Variants in STXBP5L observed in about 807,000 individuals in gnomAD.
The protein encoded by STXBP5L is syntaxin-binding protein 5-like.
In STXBP5L, 65 loss-of-function variants were observed where a neutral mutation model predicts 144.5. That is an observed-to-expected ratio of 0.45 (90% CI 0.37 to 0.55). The LOEUF is 0.55. STXBP5L is among the 20% of genes least tolerant of loss of function. The pLI is 0.00. For missense variants in STXBP5L, 1,298 were observed against 1,405.5 expected (o/e 0.92, Z 1.22); for synonymous variants, 505 against 469.6 (o/e 1.08, Z -0.97).
intron 7 of STXBP5L, among the ~76,000 whole-genome samples, chr3:121,138,948 C>T (rs1456390586): frequency 6.6e-6 from 1 of 151,760 alleles, no homozygotes; most frequent in Non-Finnish European, 1.5e-5. Context: ...AAGGAAACAA[C>T]AGAGTGAAAA....
At chr3:120,956,446 G>A (rs1386573760) in intron 3 of STXBP5L, among the ~76,000 whole-genome samples, 1 of 151,664 alleles carries the variant, frequency 6.6e-6, no homozygotes, top group African/African-American at 2.4e-5. Context: ...TTTTGTGACT[G>A]GCTTATTTCA....
intron 18 of STXBP5L, among the ~76,000 whole-genome samples, chr3:121,277,472 T>C (rs770959392): frequency 6.6e-6 from 1 of 152,122 alleles, no homozygotes; most frequent in Non-Finnish European, 1.5e-5. Flanking sequence ...TTTATATCTC[T>C]AAGGCTTTTT....
At chr3:121,196,170 T>A (rs2047911449) in intron 9 of STXBP5L, among the ~76,000 whole-genome samples, 1 of 152,078 alleles carries the variant, frequency 6.6e-6, no homozygotes. Flanking sequence ...TCAATTCTTT[T>A]TTTTTTTTTA....
rs745597035 is a variant in STXBP5L at position 121,152,555 on chromosome 3, G to C, written c.748G>C (p.Asp250His). The C allele has an allele frequency of 1.3e-6, 2 of 1,599,250 alleles. No homozygotes were observed. Among genetic ancestry groups the C allele is most frequent in the South Asian group, 2.2e-5 (2 of 90,172 alleles). Residue 250 changes from aspartate to histidine, a missense_variant, in exon 8 of 27, where the codon GAT becomes CAT. Physicochemically the swap from Asp to His is moderately conservative, Grantham distance 81. Coordinates refer to ENST00000471454, the MANE Select transcript of STXBP5L (RefSeq NM_001308330.2). ...AAGAGCAGAACTGAGAGTTTATTAT[G>C]ATGAGGTAAGTGATTTCTACCGACA... is the stretch of plus-strand genomic sequence containing the variant. Reference protein sequence around the residue: ...SKRAELRVYYDEAIHSIDWHH... With the variant: ...SKRAELRVYYHEAIHSIDWHH...
intron 20 of STXBP5L, among the ~76,000 whole-genome samples, chr3:121,374,414 G>C (rs2046122477): frequency 6.6e-6 from 1 of 151,796 alleles, no homozygotes; most frequent in Non-Finnish European, 1.5e-5. Context: ...AAGAAAACAT[G>C]ATACCTCCAA....
At chr3:121,068,326 G>C (rs2041644810) in intron 5 of STXBP5L, among the ~76,000 whole-genome samples, 1 of 152,104 alleles carries the variant, frequency 6.6e-6, no homozygotes, top group South Asian at 2.1e-4. Flanking sequence ...TCTTATACTT[G>C]GTGTACCTAA....
At chr3:121,334,923 C>T (rs1265757482) in intron 20 of STXBP5L, among the ~76,000 whole-genome samples, 1 of 152,154 alleles carries the variant, frequency 6.6e-6, no homozygotes, top group African/African-American at 2.4e-5. Context: ...CCCACCACTC[C>T]TATTTAACAG....
intron 3 of STXBP5L, among the ~76,000 whole-genome samples, chr3:121,024,208 T>A (rs917951534): frequency 1.3e-5 from 2 of 152,170 alleles, no homozygotes; most frequent in African/African-American, 2.4e-5. Flanking sequence ...CTTAAAGAAC[T>A]TTAAAAACTC....
intron 6 of STXBP5L, among the ~76,000 whole-genome samples, chr3:121,115,427 G>T (rs978756788): frequency 2.0e-5 from 3 of 152,102 alleles, no homozygotes; most frequent in Admixed American, 6.6e-5. Context: ...TGATTTTAAT[G>T]CTTGTAGCTT....
At chr3:120,975,603 G>A (rs1428277008) in intron 3 of STXBP5L, among the ~76,000 whole-genome samples, 1 of 152,088 alleles carries the variant, frequency 6.6e-6, no homozygotes, top group South Asian at 2.1e-4. Context: ...GGTGAGAGAG[G>A]GCATCCCTGT....
rs541258012 is a variant in STXBP5L, at chr3:120,934,587, G to A, written c.190-20353G>A. Reference sequence around the variant, plus strand: ...GTGAGATCTGTTAATTATTGAGAGAGGGGTGAAGTCTCCAACGATTATAGT... The same window carrying A: ...GTGAGATCTGTTAATTATTGAGAGAAGGGTGAAGTCTCCAACGATTATAGT... On this transcript the variant is annotated intron_variant, in intron 2 of 26. Coordinates refer to ENST00000471454, the MANE Select transcript of STXBP5L (RefSeq NM_001308330.2). Among the ~76,000 whole-genome samples the A allele has an allele frequency of 5.9e-5, 9 of 152,066 alleles. No homozygotes were observed. In the South Asian group the frequency reaches 6.2e-4, roughly 11 times the overall value.
chr3:121,355,032 T>C (rs1025359287), intron 20 of STXBP5L, among the ~76,000 whole-genome samples: 4 of 152,216 alleles, frequency 2.6e-5, no homozygotes, highest in Non-Finnish European at 5.9e-5. Flanking sequence ...TCTTCTGGCT[T>C]GTAGGGTTTC....
At chr3:121,399,789 T>C (rs927598128) in intron 22 of STXBP5L, among the ~76,000 whole-genome samples, 5 of 152,360 alleles carry the variant, frequency 3.3e-5, no homozygotes, top group African/African-American at 1.2e-4. Context: ...ACGGCCATCA[T>C]GAACATGTCA....
At chr3:121,070,558 C>G (rs992479981) in intron 5 of STXBP5L, among the ~76,000 whole-genome samples, 1 of 151,818 alleles carries the variant, frequency 6.6e-6, no homozygotes, top group Non-Finnish European at 1.5e-5. Context: ...TTTTGGTGCT[C>G]GACACAAATG....
At chr3:121,246,374 T>G (rs1018619447) in intron 14 of STXBP5L, among the ~76,000 whole-genome samples, 1 of 152,122 alleles carries the variant, frequency 6.6e-6, no homozygotes, top group African/African-American at 2.4e-5. Context: ...GGTTGGGGAG[T>G]GCTCTGTTAG....
chr3:121,153,362 T>G (rs947961391), intron 8 of STXBP5L, among the ~76,000 whole-genome samples: 1 of 152,084 alleles, frequency 6.6e-6, no homozygotes, highest in Non-Finnish European at 1.5e-5. Flanking sequence ...ATCTGTGCTA[T>G]TAATTCAATT....
At chr3:121,050,256 A>G (rs1370808639) in intron 5 of STXBP5L, among the ~76,000 whole-genome samples, 1 of 151,874 alleles carries the variant, frequency 6.6e-6, no homozygotes, top group Admixed American at 6.6e-5. Flanking sequence ...CTTTTTTTTT[A>G]AGAGGAAAGG....
At chr3:121,229,679 C>T (rs1016114674) in intron 11 of STXBP5L, among the ~76,000 whole-genome samples, 1 of 152,166 alleles carries the variant, frequency 6.6e-6, no homozygotes, top group Non-Finnish European at 1.5e-5. Context: ...CCTCAGCCCC[C>T]CAAGTAGCTG....
At chr3:121,030,520 G>A (rs950079466) in intron 3 of STXBP5L, among the ~76,000 whole-genome samples, 4 of 152,012 alleles carry the variant, frequency 2.6e-5, no homozygotes, top group Admixed American at 6.6e-5. Context: ...CACACACCGG[G>A]GCATGTTGCG....
Sources: gnomAD v4.1 joint callset for allele counts (sites outside exome capture counted in the v4.1 genomes callset) on GRCh38, gnomAD v4.1.1 for gene constraint, MANE v1.5 for transcripts, NCBI Gene and HGNC (gene_info 2026-07-23, HGNC 2026-07-21) for gene names.